SOX5: variants seen among roughly 807,000 people sequenced by gnomAD.
SOX5 encodes transcription factor SOX-5.
In SOX5, 9 loss-of-function variants were observed where a neutral mutation model predicts 92.0. The observed-to-expected ratio is 0.10, with a 90% CI of 0.06 to 0.17. The LOEUF (loss-of-function observed/expected upper bound fraction) is 0.17, where lower values mean the gene tolerates loss of function less well. SOX5 is among the 10% of genes least tolerant of loss of function. The pLI is 1.00. For synonymous variants in SOX5, 344 were observed against 336.3 expected (o/e 1.02, Z -0.25); for missense variants, 642 against 944.5 (o/e 0.68, Z 4.20).
chr12:23,808,466 G>A (rs1370654193), intron 3 of SOX5, among the ~76,000 whole-genome samples: 5 of 151,970 alleles, frequency 3.3e-5, no homozygotes, highest in Admixed American at 3.3e-4. Context: ...TTAACCCTTA[G>A]TAATTAATCA....
At chr12:23,729,131 C>G (rs2093289623) in intron 6 of SOX5, among the ~76,000 whole-genome samples, 1 of 151,720 alleles carries the variant, frequency 6.6e-6, no homozygotes, top group Non-Finnish European at 1.5e-5. Flanking sequence ...TCTCTAATGA[C>G]TTTGGCAAAA....
intron 1 of SOX5, among the ~76,000 whole-genome samples, chr12:24,498,937 G>A (rs151285564): frequency 1.3e-5 from 2 of 152,040 alleles, no homozygotes; most frequent in African/African-American, 4.8e-5. Context: ...AGTGCTTGCC[G>A]TTTACCTCTT....
intron 3 of SOX5, among the ~76,000 whole-genome samples, chr12:24,254,718 A>AATATATATAT (rs10556060): frequency 2.7e-4 from 39 of 146,686 alleles, no homozygotes; most frequent in African/African-American, 9.2e-4. Context: ...GGGCTGCTCA[A>AATATATATAT]ATATATATAT....
chr12:24,034,384 T>C (rs899126566), intron 4 of SOX5, among the ~76,000 whole-genome samples: 10 of 151,792 alleles, frequency 6.6e-5, no homozygotes, highest in Non-Finnish European at 1.3e-4. Flanking sequence ...CTGGTAACCA[T>C]GTGTGGTAGT....
intron 2 of SOX5, among the ~76,000 whole-genome samples, chr12:24,355,429 G>C (rs954365120): frequency 1.3e-5 from 2 of 150,678 alleles, no homozygotes; most frequent in African/African-American, 2.4e-5. Context: ...TGCCTCAGCC[G>C]GTGAGGGGTG....
At chr12:23,596,147 C>G (rs765508775) in intron 9 of SOX5, among the ~76,000 whole-genome samples, 1 of 152,126 alleles carries the variant, frequency 6.6e-6, no homozygotes, top group South Asian at 2.1e-4. Flanking sequence ...TTGAGTACTT[C>G]GGGTTTTTAA....
chr12:24,129,071 G>A lies in SOX5; in HGVS notation c.-2+84272C>T, dbSNP rs572566001. Among the ~76,000 whole-genome samples the A allele has an allele frequency of 3.3e-5, 5 of 152,296 alleles. No individual in the cohort carries two copies. The South Asian group carries it at 1.0e-3, about 32-fold the overall frequency. The stretch of plus-strand genomic sequence containing the variant: ...TACTATTAACCTACACAAACATTCA[G>A]TCATGACTTAACTTCACATTGTGAT... On this transcript the variant is annotated intron_variant, in intron 4 of 4. Coordinates refer to the SOX5 transcript ENST00000446891.
rs1959211540 is a variant in SOX5, at chr12:24,393,995, G to A, written c.-250-25356C>T. Among the ~76,000 whole-genome samples, 1 of 152,172 alleles carries A rather than the reference G, an allele frequency of 6.6e-6. No individual in the cohort carries two copies. The highest frequency in any genetic ancestry group is 1.5e-5 in the Non-Finnish European group (1 of 68,036). On this transcript the variant is annotated intron_variant, in intron 1 of 4. Transcript: ENST00000446891. This position sits in a 1 kb window ranked among gnomAD's most constrained non-coding sequence, Gnocchi z 5.0. The stretch of plus-strand genomic sequence containing the variant: ...GTGAGTGGCTGAAGAACACACAATA[G>A]CATTCAGAACAGAGACCTGACCACA...
At chr12:24,095,568 T>C (rs1374914384) in intron 4 of SOX5, among the ~76,000 whole-genome samples, 2 of 152,130 alleles carry the variant, frequency 1.3e-5, no homozygotes, top group East Asian at 1.9e-4. Context: ...ACTTTGAATG[T>C]ACTGTTTAAA....
intron 1 of SOX5, among the ~76,000 whole-genome samples, chr12:24,474,556 G>A (rs1388511279): frequency 6.6e-6 from 1 of 152,106 alleles, no homozygotes; most frequent in East Asian, 1.9e-4. Context: ...TTGTTTTTGA[G>A]ACAGAGTCTA....
At chr12:23,872,058 C>T (rs1171024099) in intron 2 of SOX5, among the ~76,000 whole-genome samples, 2 of 149,686 alleles carry the variant, frequency 1.3e-5, no homozygotes, top group East Asian at 3.9e-4. Context: ...AGTGCAGTGG[C>T]GCCATCTCAG....
At chr12:24,246,813 C>T (rs1302445594) in intron 3 of SOX5, among the ~76,000 whole-genome samples, 2 of 151,824 alleles carry the variant, frequency 1.3e-5, no homozygotes, top group African/African-American at 2.4e-5. Context: ...TATTGGATAC[C>T]CTAGTACTTC....
intron 4 of SOX5, among the ~76,000 whole-genome samples, chr12:24,088,617 A>G (rs997757478): frequency 1.3e-5 from 2 of 151,822 alleles, no homozygotes; most frequent in African/African-American, 4.8e-5. Flanking sequence ...GAAAGGGCTC[A>G]TTTTAGTCTT....
intron 2 of SOX5, among the ~76,000 whole-genome samples, chr12:24,281,848 G>C (rs1945243816): frequency 6.6e-6 from 1 of 152,116 alleles, no homozygotes; most frequent in African/African-American, 2.4e-5. Context: ...AGAACAGCTA[G>C]CTAGGCTGGT....
At chr12:24,370,471 C>T (rs1325993233) in intron 1 of SOX5, among the ~76,000 whole-genome samples, 3 of 25,674 alleles carry the variant, frequency 1.2e-4, no homozygotes, top group African/African-American at 2.4e-4. Flanking sequence ...TGCAAGACTC[C>T]GTCTCAAAAA....
intron 2 of SOX5, among the ~76,000 whole-genome samples, chr12:24,347,839 A>G (rs558442112): frequency 8.5e-5 from 13 of 152,232 alleles, no homozygotes; most frequent in Admixed American, 6.5e-4. Context: ...AATTACTTAA[A>G]CTAGGGCCTC....
At chr12:24,427,083 T>C (rs1456376579) in intron 1 of SOX5, among the ~76,000 whole-genome samples, 3 of 152,232 alleles carry the variant, frequency 2.0e-5, no homozygotes, top group Non-Finnish European at 4.4e-5. Flanking sequence ...ATGGGTTCAA[T>C]TCATCTTAAT....
intron 4 of SOX5, among the ~76,000 whole-genome samples, chr12:24,007,154 T>C (rs1329414453): frequency 2.8e-5 from 2 of 72,516 alleles, no homozygotes; most frequent in Non-Finnish European, 6.1e-5. Context: ...TATATATATA[T>C]ATATATACAT....
At position 23,529,676 on chromosome 12, in the gene SOX5, C is replaced by T. The variant is rs1166217062; in HGVS notation, c.*4543G>A. 6.6e-6 allele frequency: 1 copy of T among 151,850 alleles called. No homozygotes were observed. The highest frequency in any genetic ancestry group is 6.6e-5 in the Admixed American group (1 of 15,262). 9.4% of individuals were successfully genotyped at this position (151,850 alleles called of 1,614,324 possible). On this transcript the variant is annotated 3_prime_UTR_variant, in exon 15 of 15. Transcript: ENST00000451604. ...AACTCCTGTTTTATTTTTATTGTGG[C>T]ATGAATGATAACATAAAACCAAAAA... is the stretch of plus-strand genomic sequence containing the variant.
Sources: allele counts gnomAD v4.1 joint callset (sites outside exome capture counted in the v4.1 genomes callset), GRCh38; gene constraint gnomAD v4.1.1; non-coding constraint Gnocchi (gnomAD v3.1); transcripts MANE v1.5; gene names NCBI Gene and HGNC (gene_info 2026-07-23, HGNC 2026-07-21).